LDB2: variants seen among roughly 807,000 people sequenced by gnomAD.
The protein encoded by LDB2 is LIM domain binding 2, also known as LIM domain-binding protein 2.
Under a neutral mutation model 44.3 loss-of-function variants are expected in LDB2, and 12 were observed. The ratio of observed to expected loss-of-function variants is 0.27; its 90% CI spans 0.17 to 0.44. The LOEUF (loss-of-function observed/expected upper bound fraction) is 0.44. LDB2 is among the 20% of genes least tolerant of loss of function. The pLI is 1.00. For synonymous variants in LDB2, 164 were observed against 174.8 expected (o/e 0.94, Z 0.49); for missense variants, 344 against 473.5 (o/e 0.73, Z 2.54).
chr4:16,581,424 C>G, intron 5 of LDB2: 1 of 984,942 alleles, frequency 1.0e-6, no homozygotes, highest in Non-Finnish European at 1.2e-6. Flanking sequence ...CATGCTGTTA[C>G]TGGAAAAAAA....
intron 2 of LDB2, among the ~76,000 whole-genome samples, chr4:16,620,273 C>T (rs561798065): frequency 6.6e-6 from 1 of 152,288 alleles, no homozygotes; most frequent in African/African-American, 2.4e-5. Flanking sequence ...AGGCTCATAT[C>T]AAGTCAGGCA....
At chr4:16,807,530 C>G (rs536351234) in intron 1 of LDB2, among the ~76,000 whole-genome samples, 2 of 152,306 alleles carry the variant, frequency 1.3e-5, no homozygotes, top group African/African-American at 4.8e-5. Flanking sequence ...CTGTTCCAGC[C>G]TTGCCTGGCA....
At chr4:16,599,041 T>C (rs6818414) in intron 2 of LDB2, among the ~76,000 whole-genome samples, 71,165 of 151,804 alleles carry the variant, frequency 0.47, 16,897 homozygotes, top group Middle Eastern at 0.64. Context: ...ACAAGAGATA[T>C]CTGACTCTGT....
Position 16,515,361 on chromosome 4 carries a change from A to G in LDB2, c.616-3257T>C, listed in dbSNP as rs142121461. ...GAGTGACGGTGTCAATAGAAGCCCA[A>G]ACCTCAGCATCACATAACATGCATG... On this transcript the variant is annotated intron_variant, in intron 5 of 7. Coordinates refer to ENST00000304523, the MANE Select transcript of LDB2 (RefSeq NM_001290.5). 2.6e-3 allele frequency among the ~76,000 whole-genome samples: 392 copies of G among 152,330 alleles called. 2 individuals carry two copies. Among genetic ancestry groups the G allele is most frequent in the African/African-American group, 9.2e-3 (381 of 41,572 alleles).
chr4:16,756,378 C>A (rs2109171581), intron 2 of LDB2, among the ~76,000 whole-genome samples: 1 of 152,158 alleles, frequency 6.6e-6, no homozygotes, highest in South Asian at 2.1e-4. Context: ...CACTTGAACC[C>A]AGAAGTGGAG....
chr4:16,682,132 T>C (rs1748100081), intron 2 of LDB2, among the ~76,000 whole-genome samples: 1 of 152,234 alleles, frequency 6.6e-6, no homozygotes, highest in Non-Finnish European at 1.5e-5. Flanking sequence ...TTGTTTAAGA[T>C]AGTTGATGGA....
At chr4:16,509,974 G>T (rs1401880189) in intron 6 of LDB2, among the ~76,000 whole-genome samples, 1 of 152,134 alleles carries the variant, frequency 6.6e-6, no homozygotes, top group East Asian at 1.9e-4. Flanking sequence ...GATTAGCCAG[G>T]TGTGGTGATA....
rs977146986 is a variant in LDB2 at position 16,533,238 on chromosome 4, A to T, written c.616-21134T>A. On this transcript the variant is annotated intron_variant, in intron 5 of 7. Transcript: ENST00000304523. This position sits in a 1 kb window ranked among gnomAD's most constrained non-coding sequence, Gnocchi z 4.1. ...CAGGTTCAAATCCCAGCCAGGTCCT[A>T]CCAGCTGTGTGACTCTCCTCAAGCC... Among the ~76,000 whole-genome samples the T allele has an allele frequency of 3.3e-5, 5 of 152,168 alleles. No homozygotes were observed. The highest frequency in any genetic ancestry group is 7.3e-5 in the Non-Finnish European group (5 of 68,028).
chr4:16,793,091 C>T (rs575989759), intron 1 of LDB2, among the ~76,000 whole-genome samples: 2 of 152,274 alleles, frequency 1.3e-5, no homozygotes, highest in African/African-American at 4.8e-5. Flanking sequence ...CTTTGTACAG[C>T]TTAAACGTTT....
Position 16,534,886 on chromosome 4 carries a change from T to C in LDB2, c.616-22782A>G, listed in dbSNP as rs1456712330. Among the ~76,000 whole-genome samples, 5 of 152,262 alleles carry C rather than the reference T, an allele frequency of 3.3e-5. 1 individual carries two copies. In the Middle Eastern group the frequency reaches 0.01, roughly 311 times the overall value. ...CCCTGAGGTCTCTCAGCTCAGGACA[T>C]CACATCAGCATGGCCACCCCATCCT... On this transcript the variant is annotated intron_variant, in intron 5 of 7. Coordinates refer to ENST00000304523, the MANE Select transcript of LDB2 (RefSeq NM_001290.5).
At chr4:16,828,150 G>A (rs146091220) in intron 1 of LDB2, among the ~76,000 whole-genome samples, 7 of 152,216 alleles carry the variant, frequency 4.6e-5, no homozygotes, top group East Asian at 3.9e-4. Flanking sequence ...TCTTACAGAC[G>A]CTCTTTATGC....
intron 1 of LDB2, among the ~76,000 whole-genome samples, chr4:16,767,496 C>T (rs976344033): frequency 3.9e-5 from 6 of 152,070 alleles, no homozygotes; most frequent in Admixed American, 1.3e-4. Flanking sequence ...TGCCACAGGG[C>T]TTCTGATCTG....
At chr4:16,508,428 G>C in intron 7 of LDB2, 107 bp downstream of exon 7, 1 of 1,078,608 alleles carries the variant, frequency 9.3e-7, no homozygotes, top group South Asian at 2.2e-5. Context: ...CCTCCAACCT[G>C]CCCAGGATTT....
intron 2 of LDB2, among the ~76,000 whole-genome samples, chr4:16,621,356 CAAGGCA>C (rs1728821710): frequency 6.6e-6 from 1 of 152,038 alleles, no homozygotes; most frequent in Non-Finnish European, 1.5e-5. Flanking sequence ...GAGGGTAGAG[CAAGGCA>C]TAGCCTATAG....
In LDB2 at chr4:16,611,616, A is replaced by G. The variant is rs1578196421; in HGVS notation, c.236-15741T>C. ...CCAACAAAGGTCAAAAAAGACAAAG[A>G]AGGGCATTACATAGTGGTAAACGGA... On this transcript the variant is annotated intron_variant, in intron 2 of 7. Transcript: ENST00000304523. Among the ~76,000 whole-genome samples, 3 of 152,104 alleles carry G rather than the reference A, an allele frequency of 2.0e-5. No homozygotes were observed. In the South Asian group the frequency reaches 6.2e-4, roughly 31 times the overall value.
chr4:16,839,509 G>A (rs1785478819), intron 1 of LDB2, among the ~76,000 whole-genome samples: 2 of 152,192 alleles, frequency 1.3e-5, no homozygotes, highest in Admixed American at 6.5e-5. Flanking sequence ...ATTTCAACTT[G>A]AGATTTGGAG....
chr4:16,754,878 T>C (rs1032666980), intron 2 of LDB2, among the ~76,000 whole-genome samples: 2 of 152,112 alleles, frequency 1.3e-5, no homozygotes, highest in African/African-American at 4.8e-5. Flanking sequence ...AAATGAAGTC[T>C]CTGTTTATCA....
chr4:16,844,152 G>C (rs1472323140), intron 1 of LDB2, among the ~76,000 whole-genome samples: 1 of 146,336 alleles, frequency 6.8e-6, no homozygotes, highest in East Asian at 2.0e-4. Flanking sequence ...AGCTACTTGG[G>C]AGTCTAAGGT....
chr4:16,862,633 CAAAAAAAAAAAAAA>C (rs58157857), intron 1 of LDB2, among the ~76,000 whole-genome samples: 32 of 45,080 alleles, frequency 7.1e-4, no homozygotes, highest in African/African-American at 1.0e-3. Flanking sequence ...AATTCCATCT[CAAAAAAAAAAAAAA>C]AAAAAAAAAA....
Sources: gnomAD v4.1 joint callset for allele counts (sites outside exome capture counted in the v4.1 genomes callset) on GRCh38, gnomAD v4.1.1 for gene constraint, Gnocchi (gnomAD v3.1) non-coding constraint, MANE v1.5 for transcripts, NCBI Gene and HGNC (gene_info 2026-07-23, HGNC 2026-07-21) for gene names.